BTG1: variants seen among roughly 807,000 people sequenced by gnomAD.
BTG1 encodes the protein protein BTG1.
A neutral mutation model predicts 15.2 loss-of-function variants in BTG1; 2 were observed. The ratio of observed to expected loss-of-function variants is 0.13; its 90% CI spans 0.05 to 0.41. BTG1 has a LOEUF of 0.41. BTG1 is among the 10% of genes least tolerant of loss of function. The pLI is 0.99. For synonymous variants in BTG1, 109 were observed against 82.4 expected (o/e 1.32, Z -1.75); for missense variants, 149 against 215.0 (o/e 0.69, Z 1.92).
chr12:92,145,219 T>A, intron 1 of BTG1, 169 bp downstream of exon 1: 1 of 1,103,970 alleles, frequency 9.1e-7, no homozygotes, highest in Non-Finnish European at 1.2e-6. Context: ...CCCTAAAGCC[T>A]CGCGGGGAAC....
chr12:92,144,552 C>T lies in BTG1; in HGVS notation c.149-105G>A, dbSNP rs1477211042. ...TTTGAGGAGCGAAAATGAAAACTAT[C>T]AACTTTTTAAAATGTCCAGGATTGC... On this transcript the variant is annotated intron_variant, in intron 1 of 1. Coordinates refer to ENST00000256015, the MANE Select transcript of BTG1 (RefSeq NM_001731.3). 3 of 1,461,338 alleles carry T rather than the reference C, an allele frequency of 2.1e-6. No homozygotes were observed. The East Asian group carries it at 6.8e-5, about 33-fold the overall frequency. 90.5% of individuals were successfully genotyped at this position (1,461,338 alleles called of 1,614,324 possible). A position where few individuals can be genotyped will look rare whatever the true frequency, so the allele number is the denominator to read the frequency against.
rs548067987 is a variant in BTG1, at chr12:92,141,115, C to T, written c.*2965G>A. ...CCTGTAGTCATTAAACACTAGCCAT[C>T]GGGAATACGGCTTCCTTCCTTTTAA... is the stretch of plus-strand genomic sequence containing the variant. On this transcript the variant is annotated 3_prime_UTR_variant, in exon 2 of 2. Coordinates refer to ENST00000256015, the MANE Select transcript of BTG1 (RefSeq NM_001731.3). The T allele has an allele frequency of 1.5e-4, 34 of 232,718 alleles. No individual in the cohort carries two copies. The highest frequency in any genetic ancestry group is 1.1e-3 in the East Asian group (18 of 16,494). 14.4% of individuals were successfully genotyped at this position (232,718 alleles called of 1,614,324 possible).
At position 92,143,593 on chromosome 12, in the gene BTG1, A is replaced by G. The variant is rs1870389573; in HGVS notation, c.*487T>C. On this transcript the variant is annotated 3_prime_UTR_variant, in exon 2 of 2. Coordinates refer to ENST00000256015, the MANE Select transcript of BTG1 (RefSeq NM_001731.3). The stretch of plus-strand genomic sequence containing the variant: ...AGTTTGTCTTTATGTACATTTATAC[A>G]TATTTAAGTGCTAGGTAAAAGTCTT... 1 of 240,624 alleles carries G rather than the reference A, an allele frequency of 4.2e-6. No individual in the cohort carries two copies. 14.9% of individuals were successfully genotyped at this position (240,624 alleles called of 1,614,324 possible).
At chr12:92,144,908 C>T (rs972286847) in intron 1 of BTG1, among the ~76,000 whole-genome samples, 6 of 152,186 alleles carry the variant, frequency 3.9e-5, no homozygotes, top group Non-Finnish European at 8.8e-5. Flanking sequence ...GTGACAAATC[C>T]GATGATTAAT....
rs1370549722 is a variant in BTG1 at position 92,140,427 on chromosome 12, A to C, written c.*3653T>G. 8.9e-6 allele frequency: 2 copies of C among 225,382 alleles called. No homozygotes were observed. The highest frequency in any genetic ancestry group is 1.8e-5 in the Non-Finnish European group (2 of 113,224). The allele number at this position is 225,382 out of a possible 1,614,324, so 14.0% of individuals were successfully genotyped here. ...GGTATCAATCCTCAGGATTAATACA[A>C]TCTAAGGCTTACTTGTTTAGGAGCA... On this transcript the variant is annotated 3_prime_UTR_variant, in exon 2 of 2. Transcript: ENST00000256015.
rs1870395391 is a variant in BTG1, at chr12:92,143,660, C to T, written c.*420G>A. 1 of 255,992 alleles carries T rather than the reference C, an allele frequency of 3.9e-6. No individual in the cohort carries two copies. The highest frequency in any genetic ancestry group is 7.5e-6 in the Non-Finnish European group (1 of 132,918). 15.9% of individuals were successfully genotyped at this position (255,992 alleles called of 1,614,324 possible). A position where few individuals can be genotyped will look rare whatever the true frequency, so the allele number is the denominator to read the frequency against. On this transcript the variant is annotated 3_prime_UTR_variant, in exon 2 of 2. Coordinates refer to ENST00000256015, the MANE Select transcript of BTG1 (RefSeq NM_001731.3). ...TACCATGTTTAAAACGTTTAACTTT[C>T]CTATTAAAAGCTGCCGAAAAGGTTA...
Position 92,141,292 on chromosome 12 carries a change from T to C in BTG1, c.*2788A>G. On this transcript the variant is annotated 3_prime_UTR_variant, in exon 2 of 2. Transcript: ENST00000256015. ...TTTCCAGTCTATTATTATAGAAATA[T>C]TGCACATAAGGATAAAGACATGAGA... The C allele has an allele frequency of 4.3e-6, 1 of 232,644 alleles. No homozygotes were observed. Among genetic ancestry groups the C allele is most frequent in the Non-Finnish European group, 8.5e-6 (1 of 117,686 alleles). 14.4% of individuals were successfully genotyped at this position (232,644 alleles called of 1,614,324 possible). A position where few individuals can be genotyped will look rare whatever the true frequency, so the allele number is the denominator to read the frequency against.
In BTG1 at chr12:92,145,558, C is replaced by G; in HGVS notation, c.-23G>C. ...CATGGGGGCGGCGTGCGGGGGCGGC[C>G]CGGGGCGGCTGGGGCTCGGCGGCGC... On this transcript the variant is annotated 5_prime_UTR_variant, in exon 1 of 2. Transcript: ENST00000256015. 1 of 1,385,358 alleles carries G rather than the reference C, an allele frequency of 7.2e-7. No homozygotes were observed. The highest frequency in any genetic ancestry group is 9.4e-7 in the Non-Finnish European group (1 of 1,064,192). The allele number at this position is 1,385,358 out of a possible 1,614,324, so 85.8% of individuals were successfully genotyped here. A position where few individuals can be genotyped will look rare whatever the true frequency, so the allele number is the denominator to read the frequency against.
At chr12:92,144,510 C>T in intron 1 of BTG1, 63 bp from the exon 2 acceptor site, 2 of 1,585,884 alleles carry the variant, frequency 1.3e-6, no homozygotes, top group South Asian at 2.3e-5. Context: ...CTGCGGATTC[C>T]TCCTACCCCA....
rs1197075177 is a variant in BTG1 at position 92,142,999 on chromosome 12, C to T, written c.*1081G>A. ...AAAACCTAAACATGTATATACAGAG[C>T]ATCTTCATTCCTCATCAAATGTTTT... On this transcript the variant is annotated 3_prime_UTR_variant, in exon 2 of 2. Coordinates refer to ENST00000256015, the MANE Select transcript of BTG1 (RefSeq NM_001731.3). The T allele has an allele frequency of 4.3e-6, 1 of 232,844 alleles. No homozygotes were observed. The highest frequency in any genetic ancestry group is 2.2e-5 in the African/African-American group (1 of 45,324). 14.4% of individuals were successfully genotyped at this position (232,844 alleles called of 1,614,324 possible).
In BTG1 at chr12:92,143,974, G is replaced by A. The variant is rs917470660; in HGVS notation, c.*106C>T. 7.1e-7 allele frequency: 1 copy of A among 1,401,156 alleles called. No individual in the cohort carries two copies. The highest frequency in any genetic ancestry group is 9.7e-7 in the Non-Finnish European group (1 of 1,025,950). The allele number at this position is 1,401,156 out of a possible 1,614,324, so 86.8% of individuals were successfully genotyped here. On this transcript the variant is annotated 3_prime_UTR_variant, in exon 2 of 2. Coordinates refer to ENST00000256015, the MANE Select transcript of BTG1 (RefSeq NM_001731.3). ...TTCTATCTTGTGCCAGATCTTCACA[G>A]CTGTGACATGGTTTAAATTCCATAA... is the stretch of plus-strand genomic sequence containing the variant.
At position 92,140,627 on chromosome 12, in the gene BTG1, C is replaced by T. The variant is rs998893568; in HGVS notation, c.*3453G>A. 1 of 231,890 alleles carries T rather than the reference C, an allele frequency of 4.3e-6. No homozygotes were observed. Among genetic ancestry groups the T allele is most frequent in the Non-Finnish European group, 8.5e-6 (1 of 117,314 alleles). 14.4% of individuals were successfully genotyped at this position (231,890 alleles called of 1,614,324 possible). A position where few individuals can be genotyped will look rare whatever the true frequency, so the allele number is the denominator to read the frequency against. On this transcript the variant is annotated 3_prime_UTR_variant, in exon 2 of 2. Coordinates refer to ENST00000256015, the MANE Select transcript of BTG1 (RefSeq NM_001731.3). ...TAAGCAGCTGGGTCGGCTGGTATTA[C>T]AAACTATCTTACTGTAAAAGATTTT...
In BTG1 at chr12:92,142,760, G is replaced by C. The variant is rs1290175773; in HGVS notation, c.*1320C>G. ...TTTCTAATTGAACAAAGAATCCATG[G>C]GGCAAAGTAATTGTTTTTCAAAGGT... On this transcript the variant is annotated 3_prime_UTR_variant, in exon 2 of 2. Coordinates refer to ENST00000256015, the MANE Select transcript of BTG1 (RefSeq NM_001731.3). 1 of 232,862 alleles carries C rather than the reference G, an allele frequency of 4.3e-6. No individual in the cohort carries two copies. Among genetic ancestry groups the C allele is most frequent in the Admixed American group, 5.6e-5 (1 of 17,760 alleles). The allele number at this position is 232,862 out of a possible 1,614,324, so 14.4% of individuals were successfully genotyped here. A position where few individuals can be genotyped will look rare whatever the true frequency, so the allele number is the denominator to read the frequency against.
At position 92,142,878 on chromosome 12, in the gene BTG1, G is replaced by T. The variant is rs1348837308; in HGVS notation, c.*1202C>A. On this transcript the variant is annotated 3_prime_UTR_variant, in exon 2 of 2. Transcript: ENST00000256015. ...CACATTTTTGGTAGATGCTACCGTG[G>T]TCTCTTATCCTTATTTCATGAGATC... 4.3e-6 allele frequency: 1 copy of T among 232,924 alleles called. No homozygotes were observed. Among genetic ancestry groups the T allele is most frequent in the African/African-American group, 2.2e-5 (1 of 45,302 alleles). The allele number at this position is 232,924 out of a possible 1,614,324, so 14.4% of individuals were successfully genotyped here.
Position 92,145,751 on chromosome 12 carries a change from G to T in BTG1, c.-216C>A, listed in dbSNP as rs1271026130. The T allele has an allele frequency of 3.3e-6, 1 of 305,040 alleles. No individual in the cohort carries two copies. The highest frequency in any genetic ancestry group is 4.8e-5 in the East Asian group (1 of 20,814). 18.9% of individuals were successfully genotyped at this position (305,040 alleles called of 1,614,324 possible). A position where few individuals can be genotyped will look rare whatever the true frequency, so the allele number is the denominator to read the frequency against. On this transcript the variant is annotated 5_prime_UTR_variant, in exon 1 of 2. Coordinates refer to ENST00000256015, the MANE Select transcript of BTG1 (RefSeq NM_001731.3). Reference sequence around the variant, plus strand: ...AGAGAGGAAGAGACGAGCGATGGCGGCCTGGTCACATCGCTCGGACCTCCC... The same window carrying T: ...AGAGAGGAAGAGACGAGCGATGGCGTCCTGGTCACATCGCTCGGACCTCCC...
rs1870311091 is a variant in BTG1, at chr12:92,142,549, A to G, written c.*1531T>C. The G allele has an allele frequency of 4.3e-6, 1 of 232,598 alleles. No homozygotes were observed. Among genetic ancestry groups the G allele is most frequent in the Non-Finnish European group, 8.5e-6 (1 of 117,710 alleles). 14.4% of individuals were successfully genotyped at this position (232,598 alleles called of 1,614,324 possible). ...ATTTATCTGAAATAAAAGTCTGAAA[A>G]TGAGGAATCGAGAAAGTCAGCATTT... On this transcript the variant is annotated 3_prime_UTR_variant, in exon 2 of 2. Coordinates refer to ENST00000256015, the MANE Select transcript of BTG1 (RefSeq NM_001731.3).
At position 92,142,444 on chromosome 12, in the gene BTG1, A is replaced by G. The variant is rs1870301941; in HGVS notation, c.*1636T>C. 7 of 232,000 alleles carry G rather than the reference A, an allele frequency of 3.0e-5. No homozygotes were observed. In the East Asian group the frequency reaches 4.3e-4, roughly 14 times the overall value. The allele number at this position is 232,000 out of a possible 1,614,324, so 14.4% of individuals were successfully genotyped here. On this transcript the variant is annotated 3_prime_UTR_variant, in exon 2 of 2. Coordinates refer to ENST00000256015, the MANE Select transcript of BTG1 (RefSeq NM_001731.3). Reference sequence around the variant, plus strand: ...AAAAACGCTGTTATCCTCTACAACTAAACAGCAAGTCCTTCTATTATATGG... The same window carrying G: ...AAAAACGCTGTTATCCTCTACAACTGAACAGCAAGTCCTTCTATTATATGG...
chr12:92,144,035 C>A lies in BTG1; in HGVS notation c.*45G>T. 1.3e-6 allele frequency: 2 copies of A among 1,595,800 alleles called. No homozygotes were observed. The highest frequency in any genetic ancestry group is 2.3e-5 in the South Asian group (2 of 88,432). On this transcript the variant is annotated 3_prime_UTR_variant, in exon 2 of 2. Transcript: ENST00000256015. The stretch of plus-strand genomic sequence containing the variant: ...AGAGGAGCCCACCCAAAGCAAAAAT[C>A]AAATTTATCCATCATCATCAGATGA...
chr12:92,142,115 G>T lies in BTG1; in HGVS notation c.*1965C>A, dbSNP rs1240929044. ...AATTGGCAAGGGTAGTCCATGTGTT[G>T]CGGGTCTACGAATTCTAACTCTCGA... On this transcript the variant is annotated 3_prime_UTR_variant, in exon 2 of 2. Coordinates refer to ENST00000256015, the MANE Select transcript of BTG1 (RefSeq NM_001731.3). 4.3e-6 allele frequency: 1 copy of T among 232,052 alleles called. No individual in the cohort carries two copies. Among genetic ancestry groups the T allele is most frequent in the Non-Finnish European group, 8.5e-6 (1 of 117,406 alleles). 14.4% of individuals were successfully genotyped at this position (232,052 alleles called of 1,614,324 possible).
Sources: gnomAD v4.1 joint callset for allele counts (sites outside exome capture counted in the v4.1 genomes callset) on GRCh38, gnomAD v4.1.1 for gene constraint, MANE v1.5 for transcripts, NCBI Gene and HGNC (gene_info 2026-07-23, HGNC 2026-07-21) for gene names.